Variants in RNGTT observed in about 807,000 individuals in gnomAD.
RNGTT encodes mRNA-capping enzyme.
In RNGTT, 33 loss-of-function variants were observed where a neutral mutation model predicts 79.3. That is an observed-to-expected ratio of 0.42 (90% CI 0.32 to 0.56). The LOEUF (loss-of-function observed/expected upper bound fraction) is 0.56, where lower values mean the gene tolerates loss of function less well. RNGTT is among the 20% of genes least tolerant of loss of function. The pLI is 0.17. For synonymous variants in RNGTT, 222 were observed against 235.9 expected (o/e 0.94, Z 0.54); for missense variants, 497 against 739.1 (o/e 0.67, Z 3.80).
At chr6:88,857,334 C>A (rs1781874771) in intron 8 of RNGTT, among the ~76,000 whole-genome samples, 1 of 152,040 alleles carries the variant, frequency 6.6e-6, no homozygotes, top group South Asian at 2.1e-4. Flanking sequence ...AAAGTTATCA[C>A]CAATTTAGAC....
chr6:88,651,138 C>A (rs1007410588), intron 14 of RNGTT, among the ~76,000 whole-genome samples: 1 of 151,820 alleles, frequency 6.6e-6, no homozygotes, highest in Non-Finnish European at 1.5e-5. Context: ...AACAACACAA[C>A]GATTCTCTAT....
intron 6 of RNGTT, among the ~76,000 whole-genome samples, chr6:88,894,152 C>T (rs1027031753): frequency 2.2e-4 from 33 of 152,256 alleles, no homozygotes; most frequent in Admixed American, 2.1e-3. Flanking sequence ...AAGCTTTGCA[C>T]GTGCTGATAC....
chr6:88,800,176 C>T (rs1288342418), intron 12 of RNGTT, among the ~76,000 whole-genome samples: 5 of 152,288 alleles, frequency 3.3e-5, no homozygotes, highest in African/African-American at 1.2e-4. Context: ...GCTTTACATG[C>T]ATAGGTTGAA....
chr6:88,891,639 CAACT>C (rs1204855675), intron 7 of RNGTT, among the ~76,000 whole-genome samples, 163 bp downstream of exon 7: 1 of 152,038 alleles, frequency 6.6e-6, no homozygotes, highest in Non-Finnish European at 1.5e-5. Context: ...AATTTTGACT[CAACT>C]GTCTGGTTAT....
chr6:88,818,049 G>A (rs59857361), intron 11 of RNGTT, among the ~76,000 whole-genome samples: 4,219 of 151,662 alleles, frequency 0.028, 210 homozygotes, highest in African/African-American at 0.095. Context: ...GTGAGCCACC[G>A]CGCCCGGCCT....
intron 1 of RNGTT, among the ~76,000 whole-genome samples, chr6:88,955,001 T>C (rs1785379698): frequency 6.6e-6 from 1 of 151,958 alleles, no homozygotes; most frequent in African/African-American, 2.4e-5. Context: ...GAGGTTGCAA[T>C]GAGCTGAGAT....
At chr6:88,768,174 CT>C (rs1041394268) in intron 13 of RNGTT, among the ~76,000 whole-genome samples, 30 of 137,014 alleles carry the variant, frequency 2.2e-4, no homozygotes, top group Admixed American at 2.9e-4. Flanking sequence ...CTTTTTCTTT[CT>C]TTTTTTTTTG....
intron 13 of RNGTT, among the ~76,000 whole-genome samples, chr6:88,688,612 G>A (rs1353651542): frequency 1.3e-5 from 2 of 152,168 alleles, no homozygotes; most frequent in African/African-American, 2.4e-5. Context: ...AAAAATGATG[G>A]AAAGCATGTC....
rs574403624 is a variant in RNGTT at position 88,732,680 on chromosome 6, A to C, written c.1439+37094T>G. Reference sequence around the variant, plus strand: ...TGAATATTATTTGGCCTTAAAAAGGAAGGAAATTCTGACATATACCACATC... The same window carrying C: ...TGAATATTATTTGGCCTTAAAAAGGCAGGAAATTCTGACATATACCACATC... On this transcript the variant is annotated intron_variant, in intron 13 of 15. Transcript: ENST00000369485. Among the ~76,000 whole-genome samples, 11 of 152,338 alleles carry C rather than the reference A, an allele frequency of 7.2e-5. No homozygotes were observed. In the East Asian group the frequency reaches 1.9e-3, roughly 27 times the overall value.
rs1446596333 is a variant in RNGTT at position 88,898,134 on chromosome 6, G to A, written c.685-6219C>T. On this transcript the variant is annotated intron_variant, in intron 6 of 15. Transcript: ENST00000369485. ...TTCTAATAAATCTCCAGAAGTGAGGGTGGTACAGGGAACCCCTAACACAAC... is the reference window on the plus strand; with the variant it reads ...TTCTAATAAATCTCCAGAAGTGAGGATGGTACAGGGAACCCCTAACACAAC... Among the ~76,000 whole-genome samples the A allele has an allele frequency of 2.0e-5, 3 of 152,226 alleles. No homozygotes were observed. The East Asian group carries it at 5.8e-4, about 29-fold the overall frequency.
intron 13 of RNGTT, among the ~76,000 whole-genome samples, chr6:88,760,502 A>G (rs1217547295): frequency 2.6e-5 from 4 of 152,210 alleles, no homozygotes; most frequent in African/African-American, 9.6e-5. Flanking sequence ...ATAAGAAAGC[A>G]GTTACTATGG....
At chr6:88,904,607 C>A (rs993540870) in intron 6 of RNGTT, 108 bp downstream of exon 6, 1 of 1,294,088 alleles carries the variant, frequency 7.7e-7, no homozygotes, top group Admixed American at 2.4e-5. Context: ...GATGAATCAT[C>A]TGACAAACCT....
intron 8 of RNGTT, among the ~76,000 whole-genome samples, chr6:88,877,378 C>G (rs9444652): frequency 2.0e-5 from 3 of 152,102 alleles, no homozygotes; most frequent in Admixed American, 6.6e-5. Context: ...AAATTTTGTT[C>G]CATGAGGCAC....
chr6:88,940,417 A>T (rs1368723348), intron 2 of RNGTT, among the ~76,000 whole-genome samples: 11 of 152,108 alleles, frequency 7.2e-5, no homozygotes, highest in Admixed American at 7.2e-4. Context: ...GGAGGGAAGG[A>T]CTTTTTCCTG....
chr6:88,902,101 T>G (rs534210089), intron 6 of RNGTT, among the ~76,000 whole-genome samples: 13 of 152,018 alleles, frequency 8.6e-5, no homozygotes, highest in Admixed American at 8.5e-4. Flanking sequence ...GATGAGAGGA[T>G]AGCTTGAGCC....
At chr6:88,749,899 T>G (rs572009380) in intron 13 of RNGTT, among the ~76,000 whole-genome samples, 3 of 152,296 alleles carry the variant, frequency 2.0e-5, no homozygotes, top group African/African-American at 7.2e-5. Flanking sequence ...CTTTCTTGCC[T>G]CTTCCTAATT....
chr6:88,883,475 T>TC (rs1782756174), intron 8 of RNGTT, among the ~76,000 whole-genome samples: 1 of 152,190 alleles, frequency 6.6e-6, no homozygotes, highest in South Asian at 2.1e-4. Flanking sequence ...GGCAAGGTGG[T>TC]CACTATCAGG....
chr6:88,647,701 T>TAAAAAAAAAACAAAAAAAAAAAAAAA (rs1773624037), intron 14 of RNGTT, among the ~76,000 whole-genome samples: 1 of 100,892 alleles, frequency 9.9e-6, no homozygotes, highest in Non-Finnish European at 1.8e-5. Context: ...GACACCCTGT[T>TAAAAAAAAAACAAAAAAAAAAAAAAA]AAAAAAAAAA....
intron 14 of RNGTT, among the ~76,000 whole-genome samples, chr6:88,655,331 TAAAAAA>T (rs1562173928): frequency 6.6e-6 from 1 of 151,984 alleles, no homozygotes; most frequent in South Asian, 2.1e-4. Flanking sequence ...TATGCTACTT[TAAAAAA>T]AATAGAAATG....
Sources: gnomAD v4.1 joint callset for allele counts (sites outside exome capture counted in the v4.1 genomes callset) on GRCh38, gnomAD v4.1.1 for gene constraint, MANE v1.5 for transcripts, NCBI Gene and HGNC (gene_info 2026-07-23, HGNC 2026-07-21) for gene names.